CCDC172: variants seen among roughly 807,000 people sequenced by gnomAD.
CCDC172 encodes coiled-coil domain-containing protein 172.
In CCDC172, 30 loss-of-function variants were observed where a neutral mutation model predicts 38.0. The ratio of observed to expected loss-of-function variants is 0.79; its 90% confidence interval spans 0.59 to 1.07. CCDC172 has a LOEUF of 1.07. Ranked by LOEUF, CCDC172 falls within the 50% of genes least tolerant of loss-of-function variation. CCDC172 has a pLI of 0.00. For missense variants in CCDC172, 297 were observed against 290.1 expected, an observed-to-expected ratio of 1.02 and a Z score of -0.17; for synonymous variants, 78 against 88.3, an observed-to-expected ratio of 0.88 and a Z score of 0.66.
chr10:116,353,459 G>A (rs1449249430), intron 5 of CCDC172, among the ~76,000 whole-genome samples: 1 of 152,076 alleles, frequency 6.6e-6, no homozygotes, highest in African/African-American at 2.4e-5. Flanking sequence ...ACCACAAAAT[G>A]GGAGAAAATA....
intron 5 of CCDC172, among the ~76,000 whole-genome samples, chr10:116,349,565 G>A (rs543900670): frequency 6.6e-6 from 1 of 152,238 alleles, no homozygotes; most frequent in South Asian, 2.1e-4. Flanking sequence ...TTACACACTT[G>A]TATGATTATT....
intron 7 of CCDC172, among the ~76,000 whole-genome samples, chr10:116,375,690 C>A (rs1041130692): frequency 2.6e-5 from 4 of 151,958 alleles, no homozygotes; most frequent in Non-Finnish European, 4.4e-5. Flanking sequence ...AAGAAAAAAA[C>A]AAACAGCCCC....
chr10:116,324,816 G>A (rs1319909983), intron 1 of CCDC172, 131 bp from the exon 2 acceptor site: 2 of 593,512 alleles, frequency 3.4e-6, no homozygotes, highest in African/African-American at 1.9e-5. Context: ...AGCGTCCCTA[G>A]ACCCTCAGAC....
chr10:116,325,042 A>C lies in CCDC172; in HGVS notation c.31A>C (p.Ile11Leu). The C allele has an allele frequency of 6.2e-7, 1 of 1,614,056 alleles. No individual in the cohort carries two copies. ...CTTGGAGTCCCTGTTTCAGCACATC[A>C]TCTTCACCGAGCATCAGGCGGAGGA... MSLESLFQHI[I>L]FTEHQAEESR... Residue 11 changes from isoleucine (I) to leucine (L), a missense_variant, in exon 2 of 9, where the codon ATC (isoleucine) becomes CTC (leucine). Coordinates refer to ENST00000333254, the MANE Select transcript of CCDC172 (RefSeq NM_198515.3).
At chr10:116,377,764 G>C (rs1263086445) in intron 7 of CCDC172, among the ~76,000 whole-genome samples, 1 of 152,078 alleles carries the variant, frequency 6.6e-6, no homozygotes, top group Non-Finnish European at 1.5e-5. Flanking sequence ...GTTCAGAGAA[G>C]CTAAATGTTT....
At chr10:116,361,142 G>A (rs1440013631) in intron 7 of CCDC172, among the ~76,000 whole-genome samples, 4 of 150,968 alleles carry the variant, frequency 2.6e-5, no homozygotes, top group Non-Finnish European at 5.9e-5. Context: ...GCACCGCCAC[G>A]CCTGACTAAT....
chr10:116,336,316 TAATA>T (rs972894952), intron 3 of CCDC172, among the ~76,000 whole-genome samples: 2 of 149,324 alleles, frequency 1.3e-5, no homozygotes, highest in African/African-American at 4.9e-5. Flanking sequence ...TACGTAATAA[TAATA>T]AGGCCACTGT....
At chr10:116,330,610 A>ATT (rs60290033) in intron 3 of CCDC172, among the ~76,000 whole-genome samples, 16,935 of 152,220 alleles carry the variant, frequency 0.11, 1,108 homozygotes, top group East Asian at 0.21. Flanking sequence ...AAAGAAGAAT[A>ATT]TGCACAATCA....
intron 7 of CCDC172, among the ~76,000 whole-genome samples, chr10:116,370,230 G>A (rs1311887485): frequency 6.6e-6 from 1 of 151,152 alleles, no homozygotes; most frequent in Non-Finnish European, 1.5e-5. Context: ...TTCTTTTATT[G>A]CATTTGTGTT....
At chr10:116,361,295 G>A (rs1457066702) in intron 7 of CCDC172, among the ~76,000 whole-genome samples, 1 of 151,798 alleles carries the variant, frequency 6.6e-6, no homozygotes, top group African/African-American at 2.4e-5. Context: ...ATTATTTTTT[G>A]TTATTACCCA....
intron 7 of CCDC172, among the ~76,000 whole-genome samples, chr10:116,365,162 T>G (rs111577128): frequency 1.4e-3 from 214 of 152,316 alleles, no homozygotes; most frequent in Non-Finnish European, 2.7e-3. Flanking sequence ...TGTATTAATA[T>G]TCATGCCATT....
At chr10:116,330,038 C>A (rs1844640583) in intron 3 of CCDC172, among the ~76,000 whole-genome samples, 1 of 152,104 alleles carries the variant, frequency 6.6e-6, no homozygotes, top group South Asian at 2.1e-4. Context: ...GCTAGCTATT[C>A]TTTTTCTGAA....
At chr10:116,341,995 CAACT>C (rs760974417) in intron 4 of CCDC172, 37 bp from the exon 5 acceptor site, 1 of 1,286,130 alleles carries the variant, frequency 7.8e-7, no homozygotes, top group Non-Finnish European at 1.0e-6. Flanking sequence ...AATATTATTG[CAACT>C]AACACCTATA....
intron 5 of CCDC172, among the ~76,000 whole-genome samples, chr10:116,346,189 G>A (rs1844864386): frequency 6.6e-6 from 1 of 151,534 alleles, no homozygotes; most frequent in Admixed American, 6.6e-5. Flanking sequence ...CTACTCAGGA[G>A]GCTGAGGCAG....
intron 1 of CCDC172, 137 bp from the exon 2 acceptor site, chr10:116,324,810 T>C: frequency 1.7e-6 from 1 of 586,432 alleles, no homozygotes; most frequent in Admixed American, 3.0e-5. Context: ...GCGGCCAGCG[T>C]CCCTAGACCC....
intron 5 of CCDC172, among the ~76,000 whole-genome samples, chr10:116,342,775 G>T (rs1475044561): frequency 2.0e-5 from 3 of 152,142 alleles, no homozygotes; most frequent in African/African-American, 7.2e-5. Context: ...CATTGAGTGA[G>T]TTATCATGAG....
At chr10:116,368,864 CTCCT>C (rs376433446) in intron 7 of CCDC172, among the ~76,000 whole-genome samples, 39 of 152,112 alleles carry the variant, frequency 2.6e-4, no homozygotes, top group African/African-American at 6.7e-4. Flanking sequence ...GGTTTTTCTT[CTCCT>C]TCCTCCATTC....
Position 116,336,460 on chromosome 10 carries a change from G to A in CCDC172, c.166-4274G>A, listed in dbSNP as rs111577077. 7.0e-3 allele frequency among the ~76,000 whole-genome samples: 1,062 copies of A among 151,434 alleles called. 14 individuals are homozygous for A. The highest frequency in any genetic ancestry group is 0.024 in the African/African-American group (1,001 of 41,376). ...TTTCCTTCCTTGCTAACTATATTAG[G>A]ATTATTATGTCATAGTAAGTTATTC... On this transcript the variant is annotated intron_variant, in intron 3 of 8. Coordinates refer to ENST00000333254, the MANE Select transcript of CCDC172 (RefSeq NM_198515.3).
intron 5 of CCDC172, among the ~76,000 whole-genome samples, chr10:116,349,822 T>G (rs548145819): frequency 6.6e-6 from 1 of 151,206 alleles, no homozygotes; most frequent in East Asian, 2.0e-4. Flanking sequence ...TGGAGAAAAA[T>G]AAGGGAGGGA....
Sources: gnomAD v4.1 joint callset for allele counts (sites outside exome capture counted in the v4.1 genomes callset) on GRCh38, gnomAD v4.1.1 for gene constraint, MANE v1.5 for transcripts, NCBI Gene and HGNC (gene_info 2026-07-23, HGNC 2026-07-21) for gene names.